P2RX5: variants seen among roughly 807,000 people sequenced by gnomAD.
P2RX5 encodes the protein P2X purinoceptor 5.
A neutral mutation model predicts 54.1 loss-of-function variants in P2RX5; 46 were observed. The ratio of observed to expected loss-of-function variants is 0.85; its 90% confidence interval spans 0.67 to 1.09. The LOEUF (loss-of-function observed/expected upper bound fraction) is 1.09. Ranked by LOEUF, P2RX5 falls within the 50% of genes least tolerant of loss-of-function variation. P2RX5 has a pLI of 0.00. For missense variants in P2RX5, 566 were observed against 549.8 expected (o/e 1.03, Z -0.29); for synonymous variants, 226 against 226.4 (o/e 1.00, Z 0.02).
upstream of P2RX5, among the ~76,000 whole-genome samples, chr17:3,699,913 G>A (rs373531947): frequency 0.098 from 4,191 of 42,640 alleles, 233 homozygotes; most frequent in South Asian, 0.27. Context: ...AAGGAAGGAA[G>A]GAAGGAAAGA....
chr17:3,674,898 C>A (rs1028438082), intron 11 of P2RX5, among the ~76,000 whole-genome samples: 2 of 152,200 alleles, frequency 1.3e-5, no homozygotes, highest in Non-Finnish European at 2.9e-5. Context: ...GGGTTCAATG[C>A]CCCATTAGAC....
chr17:3,695,162 G>A (rs2050721460), intron 1 of P2RX5, among the ~76,000 whole-genome samples: 1 of 152,218 alleles, frequency 6.6e-6, no homozygotes, highest in African/African-American at 2.4e-5. Flanking sequence ...CCCTCCACCT[G>A]CTCACCCCCG....
chr17:3,690,446 C>T lies in P2RX5; in HGVS notation c.514G>A (p.Glu172Lys), dbSNP rs1414898302. 5.6e-6 allele frequency: 9 copies of T among 1,612,086 alleles called. No homozygotes were observed. The highest frequency in any genetic ancestry group is 7.6e-6 in the Non-Finnish European group (9 of 1,179,386). ...TCEIFAWCPL[E>K]TSSRPEEPFL... ...ACTCACTCCGGCCTGGAGCTTGTCT[C>T]CAACGGGCACCAGGCAAAGATCTCA... The change falls in exon 5 of 12, where the codon GAG becomes AAG. Residue 172 changes from glutamate (E) to lysine (K), a missense_variant. Glu to Lys is a moderately conservative substitution (Grantham distance 56, BLOSUM62 1). Coordinates refer to ENST00000225328, the MANE Select transcript of P2RX5 (RefSeq NM_002561.4).
the P2RX5 span, among the ~76,000 whole-genome samples, chr17:3,713,489 G>A: frequency 3.0e-4 from 45 of 152,252 alleles, no homozygotes; most frequent in African/African-American, 1.0e-3. Flanking sequence ...GGTGGCTCAT[G>A]CCTGTAATCC....
At chr17:3,694,068 C>T (rs1230950580) in intron 1 of P2RX5, among the ~76,000 whole-genome samples, 2 of 151,834 alleles carry the variant, frequency 1.3e-5, no homozygotes, top group Admixed American at 6.6e-5. Flanking sequence ...CTACACTCAG[C>T]GGTGTGAAAA....
chr17:3,702,948 A>T, the P2RX5 span, among the ~76,000 whole-genome samples: 1 of 152,324 alleles, frequency 6.6e-6, no homozygotes, highest in South Asian at 2.1e-4. Flanking sequence ...GACCTGGGAC[A>T]GTCTCTGATA....
At chr17:3,678,111 C>T (rs1350675992) in intron 11 of P2RX5, 3 of 985,338 alleles carry the variant, frequency 3.0e-6, no homozygotes, top group African/African-American at 1.7e-5. Context: ...TCCAAATTCA[C>T]CTGTGCATTC....
chr17:3,714,211 G>A, the P2RX5 span, among the ~76,000 whole-genome samples: 1 of 151,754 alleles, frequency 6.6e-6, no homozygotes, highest in Non-Finnish European at 1.5e-5. Flanking sequence ...ACAGGCGTGA[G>A]CCACCGCACC....
At chr17:3,714,951 A>G in the P2RX5 span, 2 of 1,535,570 alleles carry the variant, frequency 1.3e-6, no homozygotes, top group African/African-American at 2.7e-5. Flanking sequence ...CACTGAAACA[A>G]AGGAAGGAAA....
chr17:3,710,718 G>A, the P2RX5 span, among the ~76,000 whole-genome samples: 3 of 151,724 alleles, frequency 2.0e-5, no homozygotes, highest in East Asian at 1.9e-4. Flanking sequence ...ACTTGAAGTC[G>A]GGAGTTCAAG....
chr17:3,719,276 A>G, the P2RX5 span, among the ~76,000 whole-genome samples: 1 of 151,470 alleles, frequency 6.6e-6, no homozygotes, highest in South Asian at 2.1e-4. Flanking sequence ...AGAAAAAGAA[A>G]TACACTACTT....
chr17:3,701,446 A>T, the P2RX5 span, among the ~76,000 whole-genome samples: 2 of 152,086 alleles, frequency 1.3e-5, no homozygotes, highest in African/African-American at 4.8e-5. Context: ...TAATCCCAGC[A>T]CTTTGGGAGG....
rs1597271846 is a variant in P2RX5 at position 3,692,127 on chromosome 17, A to G, written c.138-333T>C. ...AGACCATCCTGGCTAACACAGTGAA[A>G]CCCTGTCTCTACTCAAAAAAAAAAA... On this transcript the variant is annotated intron_variant, in intron 1 of 11. Coordinates refer to ENST00000225328, the MANE Select transcript of P2RX5 (RefSeq NM_002561.4). 5 of 213,376 alleles carry G rather than the reference A, an allele frequency of 2.3e-5. No homozygotes were observed. The South Asian group carries it at 3.1e-4, about 13-fold the overall frequency. 13.2% of individuals were successfully genotyped at this position (213,376 alleles called of 1,614,324 possible).
At chr17:3,707,988 G>C in the P2RX5 span, among the ~76,000 whole-genome samples, 2 of 147,560 alleles carry the variant, frequency 1.4e-5, no homozygotes, top group African/African-American at 5.0e-5. Flanking sequence ...AACCCGGGAT[G>C]CGGAACTTGC....
In P2RX5 at chr17:3,681,963, C is replaced by T. The variant is rs375878631; in HGVS notation, c.997G>A (p.Asp333Asn). The change falls in exon 10 of 12, where the codon GAC (aspartate) becomes AAC (asparagine). Residue 333 changes from aspartate (D) to asparagine (N), a missense_variant. Asp to Asn is a conservative substitution (Grantham distance 23). Transcript: ENST00000225328. ...MVNGKGAFFC[D>N]LVLIYLIKKR... is the part of the protein sequence containing the mutation. ...TTGATGAGGTAGATGAGTACCAGGT[C>T]GCAGAAGAAAGCACCCTGCAAAACA... 1.3e-5 allele frequency: 21 copies of T among 1,613,100 alleles called. No individual in the cohort carries two copies. The highest frequency in any genetic ancestry group is 2.2e-5 in the East Asian group (1 of 44,884).
chr17:3,715,374 G>A, the P2RX5 span, among the ~76,000 whole-genome samples: 1 of 152,160 alleles, frequency 6.6e-6, no homozygotes, highest in African/African-American at 2.4e-5. Flanking sequence ...ACTGCCATTT[G>A]GAAGGGTTTC....
At chr17:3,694,792 G>A (rs1057446719) in intron 1 of P2RX5, among the ~76,000 whole-genome samples, 2 of 152,330 alleles carry the variant, frequency 1.3e-5, no homozygotes, top group East Asian at 1.9e-4. Context: ...GGGCATTCCC[G>A]GACTGACAGC....
At chr17:3,720,284 C>T in the P2RX5 span, 4 of 1,262,666 alleles carry the variant, frequency 3.2e-6, no homozygotes, top group Non-Finnish European at 4.6e-6. Context: ...TTGGGCACTA[C>T]TCAGAAGCCA....
intron 1 of P2RX5, chr17:3,692,021 C>A (rs2050630916): frequency 3.5e-6 from 2 of 570,696 alleles, no homozygotes; most frequent in Non-Finnish European, 6.3e-6. Flanking sequence ...GAGATGGGGG[C>A]CCTGAAGAGG....
Sources: allele counts gnomAD v4.1 joint callset (sites outside exome capture counted in the v4.1 genomes callset), GRCh38; gene constraint gnomAD v4.1.1; transcripts MANE v1.5; gene names NCBI Gene and HGNC (gene_info 2026-07-23, HGNC 2026-07-21).